Variants in ENAH observed in about 807,000 individuals in gnomAD.
ENAH encodes the protein ENAH actin regulator.
Under a neutral mutation model 78.7 loss-of-function variants are expected in ENAH, and 23 were observed. That is an observed-to-expected ratio of 0.29 (90% CI 0.21 to 0.41). The LOEUF is 0.41. ENAH is among the 10% of genes least tolerant of loss of function. ENAH has a pLI of 1.00. For missense variants in ENAH, 544 were observed against 691.0 expected, an observed-to-expected ratio of 0.79 and a Z score of 2.39; for synonymous variants, 226 against 241.0, an observed-to-expected ratio of 0.94 and a Z score of 0.58.
At chr1:225,592,199 G>A (rs2096880412) in intron 1 of ENAH, among the ~76,000 whole-genome samples, 1 of 152,214 alleles carries the variant, frequency 6.6e-6, no homozygotes, top group Non-Finnish European at 1.5e-5. Flanking sequence ...AACCACAAGT[G>A]AGCTCAACAC....
At chr1:225,530,946 G>A in intron 3 of ENAH, 1 of 406,686 alleles carries the variant, frequency 2.5e-6, no homozygotes, top group Non-Finnish European at 4.3e-6. Flanking sequence ...AGGCACCTAA[G>A]CTTGACAGTT....
At chr1:225,636,132 T>C (rs1329011918) in intron 1 of ENAH, among the ~76,000 whole-genome samples, 1 of 152,208 alleles carries the variant, frequency 6.6e-6, no homozygotes, top group Non-Finnish European at 1.5e-5. Context: ...GGAGCATTTA[T>C]GAAAACAGGG....
At chr1:225,627,336 A>C (rs12139824) in intron 1 of ENAH, among the ~76,000 whole-genome samples, 4,081 of 152,350 alleles carry the variant, frequency 0.027, 61 homozygotes, top group Non-Finnish European at 0.041. Context: ...AGCAAGAGCC[A>C]GGTAAAAAAT....
At chr1:225,560,100 A>G (rs1431841029) in intron 2 of ENAH, among the ~76,000 whole-genome samples, 3 of 152,106 alleles carry the variant, frequency 2.0e-5, no homozygotes, top group Admixed American at 6.6e-5. Context: ...CACTACCAGG[A>G]CATCCCCATT....
intron 1 of ENAH, among the ~76,000 whole-genome samples, chr1:225,586,212 C>G (rs2096845385): frequency 7.3e-6 from 1 of 137,892 alleles, no homozygotes; most frequent in Non-Finnish European, 1.5e-5. Context: ...CGAGGTTGCA[C>G]CACTGCACTC....
intron 1 of ENAH, among the ~76,000 whole-genome samples, chr1:225,613,863 C>G (rs1172509741): frequency 6.6e-6 from 1 of 152,072 alleles, no homozygotes; most frequent in Non-Finnish European, 1.5e-5. Flanking sequence ...AACATCACAT[C>G]CCATAGGTTA....
chr1:225,586,364 C>T (rs1022352687), intron 1 of ENAH, among the ~76,000 whole-genome samples: 39 of 151,880 alleles, frequency 2.6e-4, no homozygotes, highest in African/African-American at 9.2e-4. Context: ...TATGAAGCTC[C>T]TCACAAACAA....
chr1:225,597,303 A>G (rs1160946446), intron 1 of ENAH, among the ~76,000 whole-genome samples: 1 of 152,206 alleles, frequency 6.6e-6, no homozygotes, highest in Non-Finnish European at 1.5e-5. Flanking sequence ...GAGATGTTAG[A>G]CAAAATAGTC....
intron 1 of ENAH, among the ~76,000 whole-genome samples, chr1:225,575,433 C>T (rs774027579): frequency 6.6e-6 from 1 of 152,204 alleles, no homozygotes; most frequent in Non-Finnish European, 1.5e-5. Context: ...CACAGCATCA[C>T]GTACAGGGTC....
chr1:225,549,499 T>G (rs776421309), intron 3 of ENAH, among the ~76,000 whole-genome samples: 1 of 152,136 alleles, frequency 6.6e-6, no homozygotes, highest in Non-Finnish European at 1.5e-5. Context: ...AGAAAAGAGG[T>G]TGAGTTCTAA....
At chr1:225,616,937 A>G (rs1223641176) in intron 1 of ENAH, among the ~76,000 whole-genome samples, 1 of 152,068 alleles carries the variant, frequency 6.6e-6, no homozygotes, top group East Asian at 1.9e-4. Flanking sequence ...TGTCTCTACT[A>G]AAAATACAAA....
chr1:225,630,479 C>G (rs1057128952), intron 1 of ENAH, among the ~76,000 whole-genome samples: 2 of 152,160 alleles, frequency 1.3e-5, no homozygotes, highest in African/African-American at 4.8e-5. Context: ...ATTTAGAAGA[C>G]AGTCTGGACT....
chr1:225,539,182 G>C (rs543580909), intron 3 of ENAH, among the ~76,000 whole-genome samples: 1 of 152,206 alleles, frequency 6.6e-6, no homozygotes, highest in South Asian at 2.1e-4. Context: ...CAATTTTCAA[G>C]TCCTGTTAAT....
chr1:225,624,577 T>C (rs959851050), intron 1 of ENAH, among the ~76,000 whole-genome samples: 5 of 152,022 alleles, frequency 3.3e-5, no homozygotes, highest in African/African-American at 7.3e-5. Context: ...TGAGCTGAGA[T>C]TGCACCACTG....
Position 225,552,134 on chromosome 1 carries a change from CTTT to C in ENAH, c.349+2769_349+2771del, listed in dbSNP as rs397983036. Among the ~76,000 whole-genome samples the C allele has an allele frequency of 3.4e-5, 4 of 115,952 alleles. No homozygotes were observed. In the East Asian group the frequency reaches 9.8e-4, roughly 29 times the overall value. The allele number at this position is 115,952 out of a possible 152,430, so 76.1% of individuals were successfully genotyped here. On this transcript the variant is annotated intron_variant, in intron 3 of 13. Coordinates refer to ENST00000366843, the MANE Select transcript of ENAH (RefSeq NM_018212.6). ...TCTATTCCCAAGAACACTCCTGATT[CTTT>C]TTTTTTTTTTTTTTTTTGAGACAGA...
At chr1:225,554,759 A>T in intron 3 of ENAH, 147 bp downstream of exon 3, 1 of 591,724 alleles carries the variant, frequency 1.7e-6, no homozygotes, top group Non-Finnish European at 2.6e-6. Context: ...TTCAAAAACT[A>T]CTTCAAATAT....
At chr1:225,533,834 A>G (rs1354186985) in intron 3 of ENAH, among the ~76,000 whole-genome samples, 1 of 152,134 alleles carries the variant, frequency 6.6e-6, no homozygotes, top group Non-Finnish European at 1.5e-5. Flanking sequence ...CTATTTTCAC[A>G]ATTAGCCACA....
chr1:225,515,400 A>G (rs1558734741), intron 6 of ENAH: 1 of 152,614 alleles, frequency 6.6e-6, no homozygotes, highest in African/African-American at 2.4e-5. Flanking sequence ...AAGGAGGAGT[A>G]AGTCCCAGCT....
At chr1:225,538,921 G>A (rs1168545398) in intron 3 of ENAH, among the ~76,000 whole-genome samples, 1 of 152,152 alleles carries the variant, frequency 6.6e-6, no homozygotes, top group Non-Finnish European at 1.5e-5. Context: ...AGTAACCTGT[G>A]TCCTCAGGTT....
Sources: gnomAD v4.1 joint callset for allele counts (sites outside exome capture counted in the v4.1 genomes callset) on GRCh38, gnomAD v4.1.1 for gene constraint, MANE v1.5 for transcripts, NCBI Gene and HGNC (gene_info 2026-07-23, HGNC 2026-07-21) for gene names.